The following LHPP variants were observed in gnomAD, a reference collection of about 807,000 sequenced individuals.
LHPP encodes the protein hLHPP.
LHPP carries 24 observed loss-of-function variants against 30.3 expected under a neutral mutation model. That is an observed-to-expected ratio of 0.79 (90% CI 0.57 to 1.11). The LOEUF (loss-of-function observed/expected upper bound fraction) is 1.11. Among genes scored for constraint, LHPP ranks in the 50% most tolerant of loss-of-function variants. LHPP has a pLI of 0.00. For synonymous variants in LHPP, 150 were observed against 157.1 expected, an observed-to-expected ratio of 0.95 and a Z score of 0.34; for missense variants, 356 against 367.2, an observed-to-expected ratio of 0.97 and a Z score of 0.25.
chr10:124,499,036 C>T (rs1290304162), intron 5 of LHPP, among the ~76,000 whole-genome samples: 1 of 149,634 alleles, frequency 6.7e-6, no homozygotes, highest in East Asian at 1.9e-4. Context: ...TGTGCACCAC[C>T]ACACCAGCTA....
chr10:124,490,445 G>A, intron 3 of LHPP: 1 of 331,638 alleles, frequency 3.0e-6, no homozygotes, highest in South Asian at 3.0e-5. Context: ...TGGCCTTCAT[G>A]ACGTGAAGGT....
At chr10:124,522,739 T>C (rs1168809396) in intron 6 of LHPP, among the ~76,000 whole-genome samples, 25 of 139,974 alleles carry the variant, frequency 1.8e-4, no homozygotes, top group African/African-American at 6.5e-4. Flanking sequence ...CCCCAAGCAC[T>C]GTCTGCTCCT....
At chr10:124,574,173 G>A (rs1337228687) in intron 6 of LHPP, among the ~76,000 whole-genome samples, 3 of 152,144 alleles carry the variant, frequency 2.0e-5, no homozygotes, top group Non-Finnish European at 2.9e-5. Flanking sequence ...GATGAGACCC[G>A]CCTGCCAAAA....
At chr10:124,581,609 G>A (rs1220735754) in intron 6 of LHPP, among the ~76,000 whole-genome samples, 1 of 152,160 alleles carries the variant, frequency 6.6e-6, no homozygotes, top group African/African-American at 2.4e-5. Flanking sequence ...AGTGGCTGGT[G>A]AAGTACTATC....
At chr10:124,587,278 G>A (rs12773637) in intron 6 of LHPP, among the ~76,000 whole-genome samples, 21,687 of 151,028 alleles carry the variant, frequency 0.14, 2,118 homozygotes, top group Non-Finnish European at 0.21. Flanking sequence ...CAAGTGATCC[G>A]CCCGCCTCAG....
At chr10:124,587,819 G>T (rs909670768) in intron 6 of LHPP, among the ~76,000 whole-genome samples, 2 of 151,754 alleles carry the variant, frequency 1.3e-5, no homozygotes, top group African/African-American at 4.8e-5. Context: ...TGCTTGCTGG[G>T]CTGTCTCAGG....
chr10:124,612,549 A>G (rs1949215798), intron 6 of LHPP, among the ~76,000 whole-genome samples: 1 of 152,038 alleles, frequency 6.6e-6, no homozygotes, highest in Non-Finnish European at 1.5e-5. Flanking sequence ...CCCTTCCACA[A>G]AGTCCCCTGG....
At position 124,613,354 on chromosome 10, in the gene LHPP, C is replaced by T. The variant is rs1354419460; in HGVS notation, c.807C>T (p.Asp269=). Residue 269 remains aspartate (D), a synonymous_variant, in exon 7 of 7, where the codon GAC becomes GAT. Coordinates refer to ENST00000368842, the MANE Select transcript of LHPP (RefSeq NM_022126.4). ...TGGACCTGCTGCTGCAGCACGCCGA[C>T]AAGTGATGGCCTCCTGGGAGAGCCC... is the stretch of plus-strand genomic sequence containing the variant. ...EAVDLLLQHA[D]K is the part of the protein sequence containing the mutation. 6.2e-7 allele frequency: 1 copy of T among 1,611,146 alleles called. No homozygotes were observed. The highest frequency in any genetic ancestry group is 8.5e-7 in the Non-Finnish European group (1 of 1,178,756).
intron 5 of LHPP, among the ~76,000 whole-genome samples, chr10:124,501,994 G>GT (rs1444549358): frequency 2.0e-5 from 3 of 151,816 alleles, no homozygotes; most frequent in African/African-American, 7.3e-5. Context: ...GAACTCCTAG[G>GT]TACCCATCAC....
Position 124,525,038 on chromosome 10 carries a change from C to T in LHPP, c.716+7767C>T, listed in dbSNP as rs531282957. The stretch of plus-strand genomic sequence containing the variant: ...ATGCCCAGTCCTGCAGAGGCGGCCC[C>T]GCCTTGCCGTGGGCACAGTGGCCGC... On this transcript the variant is annotated intron_variant, in intron 6 of 6. Transcript: ENST00000368842. 6.6e-5 allele frequency among the ~76,000 whole-genome samples: 10 copies of T among 152,336 alleles called. No homozygotes were observed. The South Asian group carries it at 1.2e-3, about 19-fold the overall frequency.
In LHPP at chr10:124,582,362, G is replaced by T. The variant is rs369110531; in HGVS notation, c.717-30902G>T. ...GCCCCTCAAAGTGTTGGGATTATAG[G>T]TGTGAGCCACCACATCTAGCCTCCT... is the stretch of plus-strand genomic sequence containing the variant. On this transcript the variant is annotated intron_variant, in intron 6 of 6. Transcript: ENST00000368842. 2.6e-4 allele frequency among the ~76,000 whole-genome samples: 40 copies of T among 152,326 alleles called. No homozygotes were observed. In the East Asian group the frequency reaches 3.5e-3, roughly 13 times the overall value.
At chr10:124,521,853 G>C (rs907789212) in intron 6 of LHPP, among the ~76,000 whole-genome samples, 1 of 151,978 alleles carries the variant, frequency 6.6e-6, no homozygotes, top group African/African-American at 2.4e-5. Flanking sequence ...ACGCACACGT[G>C]CACGCACTTA....
chr10:124,501,251 A>G (rs904350576), intron 5 of LHPP, among the ~76,000 whole-genome samples: 2 of 151,896 alleles, frequency 1.3e-5, no homozygotes, highest in Non-Finnish European at 2.9e-5. Context: ...GGTCGGGTGC[A>G]GGGGAATGGG....
At chr10:124,607,692 C>T (rs555572820) in intron 6 of LHPP, among the ~76,000 whole-genome samples, 7 of 152,194 alleles carry the variant, frequency 4.6e-5, no homozygotes, top group South Asian at 4.2e-4. Context: ...GCCAGTCCCC[C>T]GGGGGCTCGG....
Position 124,613,443 on chromosome 10 carries a change from C to A in LHPP, c.*83C>A. ...CCCTCCACCCCTGCCTCTCCTCCACCCGCCCAGGAGAGCCCCACCTCCTCC... is the reference window on the plus strand; with the variant it reads ...CCCTCCACCCCTGCCTCTCCTCCACACGCCCAGGAGAGCCCCACCTCCTCC... On this transcript the variant is annotated 3_prime_UTR_variant, in exon 7 of 7. Coordinates refer to ENST00000368842, the MANE Select transcript of LHPP (RefSeq NM_022126.4). 1.0e-6 allele frequency: 1 copy of A among 962,636 alleles called. No individual in the cohort carries two copies. Among genetic ancestry groups the A allele is most frequent in the Non-Finnish European group, 1.6e-6 (1 of 622,766 alleles). 59.6% of individuals were successfully genotyped at this position (962,636 alleles called of 1,614,324 possible). A position where few individuals can be genotyped will look rare whatever the true frequency, so the allele number is the denominator to read the frequency against.
chr10:124,610,323 CGGG>C (rs1949156484), intron 6 of LHPP, among the ~76,000 whole-genome samples: 1 of 94,530 alleles, frequency 1.1e-5, no homozygotes, highest in African/African-American at 3.7e-5. Flanking sequence ...GGTGTGGGTG[CGGG>C]TGAGGGTGCT....
At chr10:124,559,219 C>T (rs1399329659) in intron 6 of LHPP, among the ~76,000 whole-genome samples, 1 of 152,226 alleles carries the variant, frequency 6.6e-6, no homozygotes, top group Non-Finnish European at 1.5e-5. Flanking sequence ...CAGCAGAGGA[C>T]ACTCTATGGG....
chr10:124,538,510 T>C (rs1057083444), intron 6 of LHPP, among the ~76,000 whole-genome samples: 12 of 152,246 alleles, frequency 7.9e-5, no homozygotes, highest in Admixed American at 5.2e-4. Context: ...AGAGGGGAGA[T>C]AGTGGACAGG....
At chr10:124,591,917 GTC>G (rs1466376819) in intron 6 of LHPP, among the ~76,000 whole-genome samples, 1 of 152,148 alleles carries the variant, frequency 6.6e-6, no homozygotes, top group African/African-American at 2.4e-5. Flanking sequence ...AAATTAGACT[GTC>G]TGGTGGTGAA....
Sources: allele counts gnomAD v4.1 joint callset (sites outside exome capture counted in the v4.1 genomes callset), GRCh38; gene constraint gnomAD v4.1.1; transcripts MANE v1.5; gene names NCBI Gene and HGNC (gene_info 2026-07-23, HGNC 2026-07-21).